Variants in PPM1H observed in about 807,000 individuals in gnomAD.
PPM1H encodes the protein protein phosphatase 1H.
A neutral mutation model predicts 54.9 loss-of-function variants in PPM1H; 27 were observed. The observed-to-expected ratio is 0.49, with a 90% CI of 0.36 to 0.68. The LOEUF (loss-of-function observed/expected upper bound fraction) is 0.68, where lower values mean the gene tolerates loss of function less well. Ranked by LOEUF, PPM1H falls within the 30% of genes least tolerant of loss-of-function variation. The probability of loss-of-function intolerance (pLI) is 0.00; values close to 1 mark genes in which losing one functional copy is unlikely to be tolerated. For synonymous variants in PPM1H, 305 were observed against 270.8 expected (o/e 1.13, Z -1.24); for missense variants, 596 against 667.8 (o/e 0.89, Z 1.19).
intron 1 of PPM1H, among the ~76,000 whole-genome samples, chr12:62,875,023 G>T (rs1333110408): frequency 6.6e-6 from 1 of 152,214 alleles, no homozygotes; most frequent in Non-Finnish European, 1.5e-5. Flanking sequence ...GGTTCTCTTG[G>T]CCAAAGCTGA....
chr12:62,934,364 C>T lies in PPM1H; in HGVS notation c.245+128G>A, dbSNP rs1872250319. On this transcript the variant is annotated intron_variant, in intron 1 of 9. Coordinates refer to ENST00000228705, the MANE Select transcript of PPM1H (RefSeq NM_020700.2). This position sits in a 1 kb window ranked among gnomAD's most constrained non-coding sequence, Gnocchi z 4.2. ...TGGCCAGTGTAAGTAAAGAGCTCCC[C>T]GCCGAGGCCTGGACGCCGGCAGCTA... The T allele has an allele frequency of 7.7e-7, 1 of 1,295,920 alleles. No homozygotes were observed. The highest frequency in any genetic ancestry group is 1.0e-6 in the Non-Finnish European group (1 of 987,798). 80.3% of individuals were successfully genotyped at this position (1,295,920 alleles called of 1,614,324 possible). A position where few individuals can be genotyped will look rare whatever the true frequency, so the allele number is the denominator to read the frequency against.
chr12:62,880,330 G>A (rs371904374), intron 1 of PPM1H, among the ~76,000 whole-genome samples: 1 of 152,150 alleles, frequency 6.6e-6, no homozygotes, highest in East Asian at 1.9e-4. Flanking sequence ...CAGGGTATTA[G>A]GTGCCCTCTT....
chr12:62,861,595 A>G (rs887271776), intron 1 of PPM1H, among the ~76,000 whole-genome samples: 3 of 151,988 alleles, frequency 2.0e-5, no homozygotes, highest in Non-Finnish European at 4.4e-5. Flanking sequence ...TCTCCATTTT[A>G]CTCCCAGTAA....
chr12:62,856,463 CTTTTT>C (rs1250318109), intron 1 of PPM1H, among the ~76,000 whole-genome samples: 2 of 151,968 alleles, frequency 1.3e-5, no homozygotes, highest in African/African-American at 4.8e-5. Flanking sequence ...TTTGTTGTCT[CTTTTT>C]TTTATTTTGT....
intron 1 of PPM1H, among the ~76,000 whole-genome samples, chr12:62,927,354 C>T (rs10506468): frequency 0.06 from 9,198 of 152,094 alleles, 568 homozygotes; most frequent in East Asian, 0.27. Flanking sequence ...ATTAGGCAGT[C>T]GACATATAAG....
chr12:62,787,696 T>C (rs1289550003), intron 4 of PPM1H, among the ~76,000 whole-genome samples: 2 of 152,218 alleles, frequency 1.3e-5, no homozygotes, highest in Non-Finnish European at 2.9e-5. Context: ...AAATGTATCT[T>C]ATTCCCTGGC....
intron 2 of PPM1H, among the ~76,000 whole-genome samples, chr12:62,803,644 G>T (rs1002586678): frequency 6.6e-6 from 1 of 152,136 alleles, no homozygotes; most frequent in Non-Finnish European, 1.5e-5. Flanking sequence ...TCTTGGCAAT[G>T]ATTATTTAGA....
chr12:62,720,295 A>T lies in PPM1H; in HGVS notation c.955-6T>A. The T allele has an allele frequency of 6.3e-7, 1 of 1,589,714 alleles. No individual in the cohort carries two copies. Among genetic ancestry groups the T allele is most frequent in the Non-Finnish European group, 8.6e-7 (1 of 1,158,304 alleles). The stretch of plus-strand genomic sequence containing the variant: ...AAGTGAGGCTGCATGAATGCCTAAT[A>T]GCAAAAAGAAAAAGAAAAAACACAC... On this transcript the variant is annotated splice_region_variant and splice_polypyrimidine_tract_variant and intron_variant, in intron 5 of 9. Transcript: ENST00000228705.
At chr12:62,930,799 A>C (rs1592676225) in intron 1 of PPM1H, among the ~76,000 whole-genome samples, 2 of 151,412 alleles carry the variant, frequency 1.3e-5, no homozygotes, top group South Asian at 4.3e-4. Flanking sequence ...TTGCTAATGC[A>C]TGTTTTTAGA....
chr12:62,836,075 T>A (rs1292769511), intron 1 of PPM1H, among the ~76,000 whole-genome samples: 2 of 152,208 alleles, frequency 1.3e-5, no homozygotes, highest in African/African-American at 2.4e-5. Flanking sequence ...CAGTACCACC[T>A]TGAGGTCAAC....
intron 1 of PPM1H, among the ~76,000 whole-genome samples, chr12:62,862,484 T>C (rs1869638030): frequency 6.6e-6 from 1 of 152,256 alleles, no homozygotes; most frequent in South Asian, 2.1e-4. Context: ...GAATGATATA[T>C]GATCCTTAGG....
chr12:62,707,234 G>T (rs1227751508), intron 6 of PPM1H, among the ~76,000 whole-genome samples: 5 of 152,140 alleles, frequency 3.3e-5, no homozygotes, highest in Non-Finnish European at 7.3e-5. Context: ...CAGGTTATGG[G>T]CACAAAAAGG....
At chr12:62,807,583 C>T (rs2076812252) in intron 2 of PPM1H, among the ~76,000 whole-genome samples, 1 of 151,706 alleles carries the variant, frequency 6.6e-6, no homozygotes, top group Non-Finnish European at 1.5e-5. Context: ...GCTGGTTGTC[C>T]CTTTTGCTTA....
intron 9 of PPM1H, 23 bp from the exon 10 acceptor site, chr12:62,648,659 A>G (rs760894413): frequency 6.2e-7 from 1 of 1,612,652 alleles, no homozygotes; most frequent in Middle Eastern, 1.8e-4. Flanking sequence ...ACCAGGAACG[A>G]GACAGTCAGT....
chr12:62,713,232 C>A (rs915139416), intron 6 of PPM1H, among the ~76,000 whole-genome samples: 1 of 152,150 alleles, frequency 6.6e-6, no homozygotes, highest in Admixed American at 6.5e-5. Flanking sequence ...GAATAAAGGT[C>A]ACCCCAAACA....
At chr12:62,932,806 T>A (rs1201966440) in intron 1 of PPM1H, among the ~76,000 whole-genome samples, 2 of 151,692 alleles carry the variant, frequency 1.3e-5, no homozygotes, top group African/African-American at 4.8e-5. Flanking sequence ...GGCTAATTTT[T>A]GTATTTTTAG....
At chr12:62,896,141 T>C (rs1870979198) in intron 1 of PPM1H, among the ~76,000 whole-genome samples, 1 of 152,210 alleles carries the variant, frequency 6.6e-6, no homozygotes, top group Admixed American at 6.5e-5. Context: ...GGCTAATTAT[T>C]GCAACGATGT....
At chr12:62,715,104 A>G (rs897079112) in intron 6 of PPM1H, among the ~76,000 whole-genome samples, 2 of 152,234 alleles carry the variant, frequency 1.3e-5, no homozygotes, top group African/African-American at 4.8e-5. Flanking sequence ...GCGAGCTGTG[A>G]GAAACTGCTG....
intron 4 of PPM1H, among the ~76,000 whole-genome samples, chr12:62,761,635 C>T (rs1260121835): frequency 2.0e-5 from 3 of 152,102 alleles, no homozygotes; most frequent in Non-Finnish European, 2.9e-5. Context: ...GCCTTATAGG[C>T]CCTCATTTCC....
Sources: allele counts gnomAD v4.1 joint callset (sites outside exome capture counted in the v4.1 genomes callset), GRCh38; gene constraint gnomAD v4.1.1; non-coding constraint Gnocchi (gnomAD v3.1); transcripts MANE v1.5; gene names NCBI Gene and HGNC (gene_info 2026-07-23, HGNC 2026-07-21).